ALK: variants seen among roughly 807,000 people sequenced by gnomAD.
The protein encoded by ALK is ALK receptor tyrosine kinase.
Under a neutral mutation model 163.1 loss-of-function variants are expected in ALK, and 74 were observed. The observed-to-expected ratio is 0.45, with a 90% confidence interval of 0.38 to 0.55. The LOEUF (loss-of-function observed/expected upper bound fraction) is 0.55. Ranked by LOEUF, ALK falls within the 20% of genes least tolerant of loss-of-function variation. The pLI, the probability that ALK is intolerant of heterozygous loss-of-function variation, is 0.00. For missense variants in ALK, 2,063 were observed against 2,105.3 expected (o/e 0.98, Z 0.39); for synonymous variants, 960 against 843.2 (o/e 1.14, Z -2.40).
intron 1 of ALK, among the ~76,000 whole-genome samples, chr2:29,814,154 C>T (rs1664831368): frequency 6.6e-6 from 1 of 152,116 alleles, no homozygotes; most frequent in Admixed American, 6.5e-5. Context: ...ATGTTAACAG[C>T]AACCCTAGGA....
intron 5 of ALK, among the ~76,000 whole-genome samples, chr2:29,344,979 C>T (rs1447423313): frequency 1.3e-5 from 2 of 152,182 alleles, no homozygotes; most frequent in African/African-American, 2.4e-5. Context: ...TGGTCAGATT[C>T]AAACATTTTA....
chr2:29,524,627 T>C (rs962322175), intron 4 of ALK, among the ~76,000 whole-genome samples: 1 of 152,246 alleles, frequency 6.6e-6, no homozygotes. Context: ...TGTACAGATA[T>C]TTACCATGAA....
intron 11 of ALK, among the ~76,000 whole-genome samples, chr2:29,266,447 G>A (rs941680715): frequency 6.6e-6 from 1 of 152,200 alleles, no homozygotes; most frequent in African/African-American, 2.4e-5. Context: ...CAACACATGA[G>A]GGGTGAGTGA....
chr2:29,252,147 C>G (rs996276408), intron 11 of ALK, among the ~76,000 whole-genome samples: 3 of 152,064 alleles, frequency 2.0e-5, no homozygotes, highest in Non-Finnish European at 4.4e-5. Context: ...GGGGGCAACA[C>G]AGGAACACTC....
In ALK at chr2:29,743,245, C is replaced by T. The variant is rs566805885; in HGVS notation, c.668-25548G>A. ...TCTACAATTTTTCATTTCTTCTTCC[C>T]GCCAAAGCTTACCCAGAAGTTTCCC... On this transcript the variant is annotated intron_variant, in intron 1 of 28. Transcript: ENST00000389048. 2.0e-4 allele frequency among the ~76,000 whole-genome samples: 30 copies of T among 152,302 alleles called. No homozygotes were observed. The South Asian group carries it at 5.6e-3, about 28-fold the overall frequency.
chr2:29,620,758 T>C (rs1284117436), intron 3 of ALK, among the ~76,000 whole-genome samples: 1 of 152,204 alleles, frequency 6.6e-6, no homozygotes, highest in Non-Finnish European at 1.5e-5. Flanking sequence ...TAAAACTTCT[T>C]ACATGGGCGA....
At chr2:29,736,758 A>G (rs1679903131) in intron 1 of ALK, among the ~76,000 whole-genome samples, 1 of 152,114 alleles carries the variant, frequency 6.6e-6, no homozygotes, top group African/African-American at 2.4e-5. Flanking sequence ...ATAGAAAAAA[A>G]TGCTTATTGA....
chr2:29,837,871 A>C (rs1263059791), intron 1 of ALK, among the ~76,000 whole-genome samples: 1 of 152,242 alleles, frequency 6.6e-6, no homozygotes, highest in Non-Finnish European at 1.5e-5. Flanking sequence ...AGTCAATAGA[A>C]ACAAATCAGA....
intron 1 of ALK, among the ~76,000 whole-genome samples, chr2:29,722,017 T>G (rs544973529): frequency 2.4e-4 from 36 of 152,352 alleles, no homozygotes; most frequent in African/African-American, 8.4e-4. Flanking sequence ...TCTAGGTCTT[T>G]GTTTCACTGG....
rs76899056 is a variant in ALK at position 29,701,831 on chromosome 2, G to A, written c.788-6817C>T. Reference sequence around the variant, plus strand: ...ACAGATGAAGGCATTGGAGCTCAGAGAAGTGAAGTCACATCTGATGTTACT... The same window carrying A: ...ACAGATGAAGGCATTGGAGCTCAGAAAAGTGAAGTCACATCTGATGTTACT... On this transcript the variant is annotated intron_variant, in intron 2 of 28. Transcript: ENST00000389048. Among the ~76,000 whole-genome samples, 453 of 152,302 alleles carry A rather than the reference G, an allele frequency of 3.0e-3. 1 individual carries two copies. Among genetic ancestry groups the A allele is most frequent in the African/African-American group, 0.011 (441 of 41,570 alleles).
intron 4 of ALK, among the ~76,000 whole-genome samples, chr2:29,465,647 T>C (rs530208950): frequency 6.6e-6 from 1 of 151,978 alleles, no homozygotes; most frequent in Non-Finnish European, 1.5e-5. Flanking sequence ...TGAGCTGAGA[T>C]TGTGCCACTA....
chr2:29,294,074 T>C (rs1267342963), intron 9 of ALK, among the ~76,000 whole-genome samples: 3 of 152,200 alleles, frequency 2.0e-5, no homozygotes, highest in African/African-American at 7.2e-5. Context: ...GGAAGCTTCA[T>C]GGGATGTGGG....
At chr2:29,435,112 C>T (rs761765532) in intron 4 of ALK, among the ~76,000 whole-genome samples, 1 of 152,164 alleles carries the variant, frequency 6.6e-6, no homozygotes, top group Non-Finnish European at 1.5e-5. Flanking sequence ...ATTACCCCTC[C>T]TACCAGTGTA....
intron 3 of ALK, among the ~76,000 whole-genome samples, chr2:29,564,437 C>T (rs1217559872): frequency 1.9e-5 from 2 of 103,764 alleles, no homozygotes; most frequent in East Asian, 4.7e-4. Flanking sequence ...GGATCCCTAC[C>T]ACCACCCCCA....
At chr2:29,338,407 C>T (rs115726579) in intron 5 of ALK, among the ~76,000 whole-genome samples, 2,092 of 152,292 alleles carry the variant, frequency 0.014, 26 homozygotes, top group South Asian at 0.061. Context: ...CAGTCCAAAT[C>T]CCAGCTCTGC....
chr2:29,845,022 T>C (rs1490675248), intron 1 of ALK, among the ~76,000 whole-genome samples: 8 of 152,146 alleles, frequency 5.3e-5, no homozygotes, highest in Non-Finnish European at 7.4e-5. Context: ...AGCATTTTCA[T>C]AACCAACCCA....
intron 3 of ALK, among the ~76,000 whole-genome samples, chr2:29,652,320 G>C (rs189563723): frequency 4.7e-4 from 71 of 152,204 alleles, no homozygotes; most frequent in Admixed American, 2.4e-3. Flanking sequence ...AAATGATTGA[G>C]CTTGGTTAAT....
chr2:29,789,830 T>C (rs185137321), intron 1 of ALK, among the ~76,000 whole-genome samples: 158 of 152,328 alleles, frequency 1.0e-3, no homozygotes, highest in Middle Eastern at 3.4e-3. Context: ...ATTTTTAAGC[T>C]TCCCAGGTGA....
chr2:29,490,737 G>T (rs1404066027), intron 4 of ALK, among the ~76,000 whole-genome samples: 1 of 152,168 alleles, frequency 6.6e-6, no homozygotes, highest in Admixed American at 6.5e-5. Context: ...AAGGAAACCA[G>T]TTATACTGAA....
Sources: allele counts gnomAD v4.1 joint callset (sites outside exome capture counted in the v4.1 genomes callset), GRCh38; gene constraint gnomAD v4.1.1; transcripts MANE v1.5; gene names NCBI Gene and HGNC (gene_info 2026-07-23, HGNC 2026-07-21).